The following KCNG3 variants were observed in gnomAD, a reference collection of about 807,000 sequenced individuals.
KCNG3 encodes voltage-gated potassium channel regulatory subunit KCNG3.
Under a neutral mutation model 29.0 loss-of-function variants are expected in KCNG3, and 15 were observed. The observed-to-expected ratio is 0.52, with a 90% CI of 0.35 to 0.80. The LOEUF is 0.80. Among genes scored for constraint, KCNG3 ranks in the 30% least tolerant of loss-of-function variants. The pLI is 0.01. For missense variants in KCNG3, 512 were observed against 605.7 expected, an observed-to-expected ratio of 0.85 and a Z score of 1.62; for synonymous variants, 322 against 248.9, an observed-to-expected ratio of 1.29 and a Z score of -2.76.
the KCNG3 span, among the ~76,000 whole-genome samples, chr2:42,423,883 T>G: frequency 6.6e-6 from 1 of 152,184 alleles, no homozygotes; most frequent in Non-Finnish European, 1.5e-5. Flanking sequence ...TCCTCCCCAT[T>G]TTCCACATTG....
At chr2:42,457,110 C>G (rs932855818) in intron 1 of KCNG3, among the ~76,000 whole-genome samples, 1 of 152,066 alleles carries the variant, frequency 6.6e-6, no homozygotes, top group Non-Finnish European at 1.5e-5. Context: ...CATTTACATA[C>G]TAATTCACTT....
intron 1 of KCNG3, among the ~76,000 whole-genome samples, chr2:42,486,522 G>A (rs1198857677): frequency 6.6e-6 from 1 of 152,194 alleles, no homozygotes; most frequent in Non-Finnish European, 1.5e-5. Context: ...ATGGCACACA[G>A]GCCCTGCCTG....
chr2:42,493,738 T>TC lies in KCNG3; in HGVS notation c.-238dup. ...GTACCTGCGGGTGGCCGGGGAGTCCTCGCCGGCGCCAGCGCTGAGCCCCAC... is the reference window on the plus strand; with the variant it reads ...GTACCTGCGGGTGGCCGGGGAGTCCTCCGCCGGCGCCAGCGCTGAGCCCCAC... On this transcript the variant is annotated 5_prime_UTR_variant, in exon 1 of 2. Transcript: ENST00000306078. The TC allele has an allele frequency of 3.0e-6, 1 of 332,516 alleles. No individual in the cohort carries two copies. Among genetic ancestry groups the TC allele is most frequent in the Non-Finnish European group, 5.4e-6 (1 of 184,840 alleles). The allele number at this position is 332,516 out of a possible 1,614,324, so 20.6% of individuals were successfully genotyped here.
chr2:42,477,521 G>A (rs1167526444), intron 1 of KCNG3, among the ~76,000 whole-genome samples: 2 of 145,794 alleles, frequency 1.4e-5, no homozygotes, highest in Non-Finnish European at 3.0e-5. Context: ...TCCACCTCCC[G>A]GGTTCACGCC....
chr2:42,410,080 T>C, the KCNG3 span, among the ~76,000 whole-genome samples: 1 of 152,200 alleles, frequency 6.6e-6, no homozygotes, highest in Admixed American at 6.5e-5. Flanking sequence ...GATGTGTACG[T>C]AGCTTTCTCC....
chr2:42,480,758 TA>T (rs11338189), intron 1 of KCNG3, among the ~76,000 whole-genome samples: 46,613 of 122,640 alleles, frequency 0.38, 8,563 homozygotes, highest in African/African-American at 0.47. Context: ...AACCCCATCT[TA>T]AAAAAAAAAA....
chr2:42,414,114 AATT>A, the KCNG3 span, among the ~76,000 whole-genome samples: 2 of 152,152 alleles, frequency 1.3e-5, no homozygotes, highest in Non-Finnish European at 2.9e-5. Flanking sequence ...TTGTTATTAT[AATT>A]ATTATTTTAT....
chr2:42,410,865 G>A, the KCNG3 span, among the ~76,000 whole-genome samples: 89 of 152,158 alleles, frequency 5.8e-4, 1 homozygote, highest in South Asian at 0.015. Flanking sequence ...AGACTACTTC[G>A]TTATGCCACA....
intron 1 of KCNG3, among the ~76,000 whole-genome samples, chr2:42,468,954 CAAAAAAAAAAAAAAA>C (rs61287684): frequency 1.8e-5 from 1 of 57,112 alleles, no homozygotes; most frequent in South Asian, 8.1e-4. Flanking sequence ...ACTCCGTCTC[CAAAAAAAAAAAAAAA>C]AAAAAAAAAA....
intron 1 of KCNG3, chr2:42,463,977 G>A (rs1673081950): frequency 2.2e-5 from 7 of 312,500 alleles, no homozygotes; most frequent in South Asian, 1.1e-4. Flanking sequence ...CAAGATCAGC[G>A]TACGTGGGAG....
chr2:42,452,804 T>C (rs894522645), intron 1 of KCNG3, among the ~76,000 whole-genome samples: 3 of 149,952 alleles, frequency 2.0e-5, no homozygotes, highest in South Asian at 2.1e-4. Context: ...TGTTTTGAGA[T>C]GAAGTCTCAC....
intron 1 of KCNG3, among the ~76,000 whole-genome samples, chr2:42,475,216 T>C (rs1673393114): frequency 6.6e-6 from 1 of 152,112 alleles, no homozygotes; most frequent in African/African-American, 2.4e-5. Flanking sequence ...TCCCAGCTAC[T>C]TGAGAGGCTG....
chr2:42,467,569 G>C (rs1673171391), intron 1 of KCNG3, among the ~76,000 whole-genome samples: 1 of 151,820 alleles, frequency 6.6e-6, no homozygotes, highest in Non-Finnish European at 1.5e-5. Flanking sequence ...TCAGGAGGCT[G>C]AGGCAGGAGA....
the KCNG3 span, among the ~76,000 whole-genome samples, chr2:42,409,324 G>A: frequency 6.6e-6 from 1 of 152,042 alleles, no homozygotes. Context: ...CCTCTGTGCT[G>A]GAAATACAGG....
chr2:42,452,688 A>T (rs1035731756), intron 1 of KCNG3, among the ~76,000 whole-genome samples: 1 of 152,072 alleles, frequency 6.6e-6, no homozygotes, highest in Non-Finnish European at 1.5e-5. Context: ...TGTTGTTGCA[A>T]ATGGCAGGAC....
chr2:42,449,516 T>G (rs1672695169), intron 1 of KCNG3, among the ~76,000 whole-genome samples: 1 of 17,764 alleles, frequency 5.6e-5, no homozygotes, highest in Non-Finnish European at 1.3e-4. Context: ...TGAGATTTCT[T>G]TTTTTTTTTT....
Position 42,444,021 on chromosome 2 carries a change from G to T in KCNG3, c.1224C>A (p.Ile408=). ...GATAACACTGCACAAAGCTATGGTA[G>T]ATAAAAGTGATAGGTAATGCCAATA... ...IVLLALPITF[I]YHSFVQCYHE... The change falls in exon 2 of 2, where the codon ATC becomes ATA. Residue 408 remains isoleucine, a synonymous_variant. Coordinates refer to ENST00000306078, the MANE Select transcript of KCNG3 (RefSeq NM_133329.6). This position sits in a 1 kb window ranked among gnomAD's most constrained non-coding sequence, Gnocchi z 5.8. 1.2e-6 allele frequency: 2 copies of T among 1,614,162 alleles called. No individual in the cohort carries two copies. Among genetic ancestry groups the T allele is most frequent in the South Asian group, 1.1e-5 (1 of 91,084 alleles).
At position 42,469,963 on chromosome 2, in the gene KCNG3, G is replaced by A. The variant is rs538428415; in HGVS notation, c.665+22874C>T. Reference sequence around the variant, plus strand: ...ACAAGGCCTGACTCCTTCACAAACCGGTGTGATACAGAGAGACACATGGTG... The same window carrying A: ...ACAAGGCCTGACTCCTTCACAAACCAGTGTGATACAGAGAGACACATGGTG... On this transcript the variant is annotated intron_variant, in intron 1 of 1. Coordinates refer to ENST00000306078, the MANE Select transcript of KCNG3 (RefSeq NM_133329.6). 3.4e-5 allele frequency: 14 copies of A among 407,870 alleles called. 1 individual carries two copies. The highest frequency in any genetic ancestry group is 1.9e-4 in the Admixed American group (5 of 26,436). 25.3% of individuals were successfully genotyped at this position (407,870 alleles called of 1,614,324 possible).
the KCNG3 span, among the ~76,000 whole-genome samples, chr2:42,396,561 G>A: frequency 2.0e-5 from 3 of 152,276 alleles, no homozygotes; most frequent in Admixed American, 6.5e-5. Flanking sequence ...TCAGTTTGGT[G>A]GCTCCTGCAG....
Sources: gnomAD v4.1 joint callset for allele counts (sites outside exome capture counted in the v4.1 genomes callset) on GRCh38, gnomAD v4.1.1 for gene constraint, Gnocchi (gnomAD v3.1) non-coding constraint, MANE v1.5 for transcripts, NCBI Gene and HGNC (gene_info 2026-07-23, HGNC 2026-07-21) for gene names.